Variants in CROT observed in about 807,000 individuals in gnomAD.
The protein encoded by CROT is peroxisomal carnitine O-octanoyltransferase.
In CROT, 84 loss-of-function variants were observed where a neutral mutation model predicts 89.2. That is an observed-to-expected ratio of 0.94 (90% confidence interval 0.79 to 1.13). The LOEUF (loss-of-function observed/expected upper bound fraction) is 1.13. Ranked by LOEUF, CROT falls within the 50% of genes most tolerant of loss-of-function variation. CROT has a pLI of 0.00. For synonymous variants in CROT, 212 were observed against 239.5 expected (o/e 0.89, Z 1.06); for missense variants, 711 against 727.8 (o/e 0.98, Z 0.27).
intron 6 of CROT, among the ~76,000 whole-genome samples, chr7:87,365,417 G>A (rs1167153938): frequency 6.6e-6 from 1 of 151,750 alleles, no homozygotes; most frequent in Non-Finnish European, 1.5e-5. Context: ...TTGAGCTCAT[G>A]AGTGGGAGGT....
At chr7:87,375,575 C>T in intron 7 of CROT, 57 bp from the exon 8 acceptor site, 1 of 1,326,204 alleles carries the variant, frequency 7.5e-7, no homozygotes, top group Non-Finnish European at 1.1e-6. Context: ...TTTTAAAGGC[C>T]AAAGTAGTTA....
chr7:87,368,672 T>C (rs1806528799), intron 6 of CROT, among the ~76,000 whole-genome samples: 1 of 152,254 alleles, frequency 6.6e-6, no homozygotes, highest in Non-Finnish European at 1.5e-5. Flanking sequence ...GTCTTCTCTT[T>C]CTTCCTCTTT....
In CROT at chr7:87,361,581, CAT is replaced by C. The variant is rs775921558; in HGVS notation, c.422+11_422+12del. 43 of 1,573,464 alleles carry C rather than the reference CAT, an allele frequency of 2.7e-5. No homozygotes were observed. Among genetic ancestry groups the C allele is most frequent in the Non-Finnish European group, 3.2e-5 (37 of 1,162,010 alleles). ...GGCAGCTATTAAGAAAGTAAGGACA[CAT>C]GTGAATTTAGTGACAGGCTTACCTG... On this transcript the variant is annotated intron_variant, in intron 5 of 17. Coordinates refer to ENST00000331536, the MANE Select transcript of CROT (RefSeq NM_021151.4).
chr7:87,355,627 G>C (rs1806044276), intron 3 of CROT, among the ~76,000 whole-genome samples: 1 of 152,152 alleles, frequency 6.6e-6, no homozygotes, highest in Non-Finnish European at 1.5e-5. Context: ...GTAAACTTCA[G>C]GGCATGCAAG....
intron 13 of CROT, among the ~76,000 whole-genome samples, chr7:87,388,413 G>A (rs1807250097): frequency 1.3e-5 from 2 of 152,194 alleles, no homozygotes; most frequent in South Asian, 2.1e-4. Flanking sequence ...GCATGTTACT[G>A]GTACCAACAC....
At chr7:87,373,438 T>C (rs1330185573) in intron 7 of CROT, among the ~76,000 whole-genome samples, 3 of 152,134 alleles carry the variant, frequency 2.0e-5, no homozygotes, top group African/African-American at 7.2e-5. Context: ...AATCCAATTT[T>C]ATCTCTTTTT....
intron 7 of CROT, among the ~76,000 whole-genome samples, chr7:87,371,076 A>G (rs1412185562): frequency 1.3e-5 from 2 of 152,196 alleles, no homozygotes; most frequent in Non-Finnish European, 2.9e-5. Context: ...TTCTTAATTG[A>G]ATGAACTCCA....
intron 7 of CROT, among the ~76,000 whole-genome samples, chr7:87,373,578 T>G (rs186970050): frequency 2.6e-4 from 39 of 152,142 alleles, no homozygotes; most frequent in African/African-American, 9.4e-4. Context: ...AGATAATGTT[T>G]AAATATACAT....
At position 87,359,272 on chromosome 7, in the gene CROT, G is replaced by C. The variant is rs1322433312; in HGVS notation, c.182G>C (p.Gly61Ala). 6.3e-7 allele frequency: 1 copy of C among 1,596,896 alleles called. No individual in the cohort carries two copies. The highest frequency in any genetic ancestry group is 8.6e-7 in the Non-Finnish European group (1 of 1,166,586). ...TEEIVQKFQS[G>A]IGEKLHQKLL... Reference sequence around the variant, plus strand: ...GAAATAGTTCAAAAATTTCAAAGTGGGATTGGAGAAAAATTGCACCAGAAA... The same window carrying C: ...GAAATAGTTCAAAAATTTCAAAGTGCGATTGGAGAAAAATTGCACCAGAAA... Residue 61 changes from glycine to alanine, a missense_variant, in exon 4 of 18, where the codon GGG becomes GCG. Transcript: ENST00000331536.
chr7:87,365,987 C>T (rs1266664860), intron 6 of CROT, among the ~76,000 whole-genome samples: 1 of 152,150 alleles, frequency 6.6e-6, no homozygotes, highest in African/African-American at 2.4e-5. Context: ...CTGTTTACCA[C>T]ATTTACACAA....
intron 6 of CROT, among the ~76,000 whole-genome samples, chr7:87,363,632 C>A (rs1806349499): frequency 6.6e-6 from 1 of 152,150 alleles, no homozygotes; most frequent in South Asian, 2.1e-4. Flanking sequence ...CTTTATAAAA[C>A]AAGGTAAGGT....
Position 87,382,181 on chromosome 7 carries a change from G to A in CROT, c.1170G>A (p.Glu390=). ...AAGCTAAAGCCCAGTATCTCAGGGA[G>A]GTATATTTTTCACTTTTCTCTTAAA... is the stretch of plus-strand genomic sequence containing the variant. ...INQAKAQYLR[E]ASDLQIAAYA... is the part of the protein sequence containing the mutation. Residue 390 remains glutamate, a splice_region_variant and synonymous_variant, in exon 12 of 18, where the codon GAG becomes GAA. Transcript: ENST00000331536. 1 of 1,593,556 alleles carries A rather than the reference G, an allele frequency of 6.3e-7. No homozygotes were observed. The highest frequency in any genetic ancestry group is 8.6e-7 in the Non-Finnish European group (1 of 1,168,122).
intron 14 of CROT, 51 bp downstream of exon 14, chr7:87,391,763 A>C (rs1807368624): frequency 1.9e-6 from 3 of 1,573,860 alleles, no homozygotes; most frequent in Non-Finnish European, 2.6e-6. Context: ...ATTGTTCTAA[A>C]GGAACCGTGG....
intron 6 of CROT, among the ~76,000 whole-genome samples, chr7:87,365,821 G>T (rs1014602255): frequency 2.6e-5 from 4 of 151,896 alleles, no homozygotes; most frequent in Non-Finnish European, 5.9e-5. Context: ...GCCCAGGCTG[G>T]TCTCGAACTC....
chr7:87,379,892 T>C (rs2115994808), intron 10 of CROT, among the ~76,000 whole-genome samples: 1 of 152,240 alleles, frequency 6.6e-6, no homozygotes, highest in African/African-American at 2.4e-5. Context: ...GGTGGGAGGA[T>C]TTGATTCCAG....
At chr7:87,360,264 G>A (rs1270111257) in intron 4 of CROT, 1 of 247,008 alleles carries the variant, frequency 4.0e-6, no homozygotes, top group Non-Finnish European at 6.5e-6. Context: ...TATTGTGAAA[G>A]AGGGACACAT....
rs1482271209 is a variant in CROT at position 87,357,719 on chromosome 7, T to C, written c.116-1487T>C. 9.9e-6 allele frequency: 6 copies of C among 606,606 alleles called. No homozygotes were observed. In the Admixed American group the frequency reaches 1.7e-4, roughly 17 times the overall value. The allele number at this position is 606,606 out of a possible 1,614,324, so 37.6% of individuals were successfully genotyped here. On this transcript the variant is annotated intron_variant, in intron 3 of 17. Coordinates refer to ENST00000331536, the MANE Select transcript of CROT (RefSeq NM_021151.4). ...TTAAGTTTTTCTTATATAGAGCCTT[T>C]ATCTATGTAAAGACTAAACTAAGCT...
intron 17 of CROT, among the ~76,000 whole-genome samples, chr7:87,396,921 T>C (rs1807545117): frequency 6.6e-6 from 1 of 152,220 alleles, no homozygotes; most frequent in Non-Finnish European, 1.5e-5. Context: ...GATGGTTGTA[T>C]AATTTCCAGT....
intron 6 of CROT, among the ~76,000 whole-genome samples, chr7:87,366,578 C>G (rs1289067327): frequency 6.6e-6 from 1 of 152,122 alleles, no homozygotes; most frequent in Middle Eastern, 3.2e-3. Context: ...TCTTTCAGTA[C>G]TCCAACTCAG....
Sources: allele counts gnomAD v4.1 joint callset (sites outside exome capture counted in the v4.1 genomes callset), GRCh38; gene constraint gnomAD v4.1.1; transcripts MANE v1.5; gene names NCBI Gene and HGNC (gene_info 2026-07-23, HGNC 2026-07-21).